RABGEF1: variants seen among roughly 807,000 people sequenced by gnomAD.
The protein encoded by RABGEF1 is RAB guanine nucleotide exchange factor 1, also known as rab5 GDP/GTP exchange factor.
A neutral mutation model predicts 57.3 loss-of-function variants in RABGEF1; 26 were observed. The ratio of observed to expected loss-of-function variants is 0.45; its 90% CI spans 0.33 to 0.63. The LOEUF (loss-of-function observed/expected upper bound fraction) is 0.63, where lower values mean the gene tolerates loss of function less well. RABGEF1 is among the 20% of genes least tolerant of loss of function. The pLI is 0.02. For missense variants in RABGEF1, 464 were observed against 607.6 expected, an observed-to-expected ratio of 0.76 and a Z score of 2.48; for synonymous variants, 185 against 210.7, an observed-to-expected ratio of 0.88 and a Z score of 1.06.
intron 1 of RABGEF1, among the ~76,000 whole-genome samples, chr7:66,752,092 A>G (rs1484045161): frequency 6.6e-6 from 1 of 152,146 alleles, no homozygotes; most frequent in African/African-American, 2.4e-5. Flanking sequence ...TCAGCTACTC[A>G]GGAGGCTGAG....
intron 1 of RABGEF1, among the ~76,000 whole-genome samples, chr7:66,754,371 CTT>C (rs113278671): frequency 2.0e-4 from 29 of 142,746 alleles, no homozygotes; most frequent in Admixed American, 3.5e-4. Context: ...TTTCTTTCAG[CTT>C]TTTTTTTTTT....
intron 1 of RABGEF1, among the ~76,000 whole-genome samples, chr7:66,693,978 T>C (rs566953011): frequency 6.6e-6 from 1 of 152,256 alleles, no homozygotes; most frequent in South Asian, 2.1e-4. Context: ...TGGTTAATTT[T>C]TTGTATTTTT....
rs1267531386 is a variant in RABGEF1 at position 66,811,331 on chromosome 7, A to G, written c.*2047A>G. 1.3e-5 allele frequency: 2 copies of G among 152,196 alleles called. No individual in the cohort carries two copies. The highest frequency in any genetic ancestry group is 2.4e-5 in the African/African-American group (1 of 41,444). The allele number at this position is 152,196 out of a possible 1,614,324, so 9.4% of individuals were successfully genotyped here. ...TTCTATTTCTCTTAAGTCAGCATCA[A>G]TACAACGGCCGGAGTTTCTGTTTTT... On this transcript the variant is annotated 3_prime_UTR_variant, in exon 9 of 9. Coordinates refer to ENST00000284957, the MANE Select transcript of RABGEF1 (RefSeq NM_014504.3).
chr7:66,720,828 T>A (rs941556317), intron 2 of RABGEF1, among the ~76,000 whole-genome samples: 2 of 152,208 alleles, frequency 1.3e-5, no homozygotes, highest in African/African-American at 2.4e-5. Context: ...CTACTAGAAC[T>A]AATAAGTTAG....
upstream of RABGEF1, among the ~76,000 whole-genome samples, chr7:66,678,259 GGAGAA>G (rs1364325169): frequency 1.3e-5 from 2 of 152,004 alleles, no homozygotes; most frequent in East Asian, 1.9e-4. Flanking sequence ...AAATATTTGG[GGAGAA>G]GAGAAAAGGT....
chr7:66,732,524 A>C (rs1419333528), intron 2 of RABGEF1, among the ~76,000 whole-genome samples: 1 of 152,070 alleles, frequency 6.6e-6, no homozygotes, highest in Admixed American at 6.5e-5. Flanking sequence ...GGGTGTCCCC[A>C]GTCACTCACC....
chr7:66,661,709 C>T, the RABGEF1 span, among the ~76,000 whole-genome samples: 256 of 152,304 alleles, frequency 1.7e-3, 1 homozygote, highest in African/African-American at 6.0e-3. Flanking sequence ...AAATTAATGC[C>T]AGTCCTTTGC....
At chr7:66,667,794 ATTTG>A in the RABGEF1 span, among the ~76,000 whole-genome samples, 2 of 151,856 alleles carry the variant, frequency 1.3e-5, no homozygotes, top group African/African-American at 4.8e-5. Flanking sequence ...TTATTTATTT[ATTTG>A]TTTATTTATT....
At chr7:66,763,554 C>G (rs935834495) in intron 1 of RABGEF1, among the ~76,000 whole-genome samples, 1 of 152,212 alleles carries the variant, frequency 6.6e-6, no homozygotes, top group Non-Finnish European at 1.5e-5. Context: ...CCATAGAATT[C>G]TCCCTTTTGA....
rs549961957 is a variant in RABGEF1, at chr7:66,770,025, G to A, written c.-17-1858G>A. ...TCCCCAAGTGGTCTCTCTATACTCC[G>A]TAAGTGAGAATTCCTATGTCTGTTG... On this transcript the variant is annotated intron_variant, in intron 1 of 8. Coordinates refer to ENST00000284957, the MANE Select transcript of RABGEF1 (RefSeq NM_014504.3). 4.6e-5 allele frequency among the ~76,000 whole-genome samples: 7 copies of A among 152,186 alleles called. No individual in the cohort carries two copies. In the South Asian group the frequency reaches 1.2e-3, roughly 27 times the overall value.
rs1175424111 is a variant in RABGEF1 at position 66,746,506 on chromosome 7, A to G, written c.-18+5714A>G. ...GGGTTTCACCATATTGGCCAGGCTG[A>G]TCTCGAACTCCTGACCTCGTGATCC... is the stretch of plus-strand genomic sequence containing the variant. On this transcript the variant is annotated intron_variant, in intron 1 of 8. Coordinates refer to ENST00000284957, the MANE Select transcript of RABGEF1 (RefSeq NM_014504.3). Among the ~76,000 whole-genome samples the G allele has an allele frequency of 2.7e-5, 4 of 149,748 alleles. No homozygotes were observed. The East Asian group carries it at 8.0e-4, about 30-fold the overall frequency.
chr7:66,763,180 A>G (rs1032998546), intron 1 of RABGEF1, among the ~76,000 whole-genome samples: 2 of 152,062 alleles, frequency 1.3e-5, no homozygotes, highest in African/African-American at 4.8e-5. Context: ...CTCATTTATT[A>G]TCTGAAAGTT....
intron 1 of RABGEF1, among the ~76,000 whole-genome samples, chr7:66,746,911 G>C (rs1800388849): frequency 6.6e-6 from 1 of 151,580 alleles, no homozygotes; most frequent in Admixed American, 6.6e-5. Flanking sequence ...TCCTGCCTCA[G>C]CTTCCCAAGT....
chr7:66,747,923 G>T (rs1230059856), intron 1 of RABGEF1, among the ~76,000 whole-genome samples: 1 of 152,170 alleles, frequency 6.6e-6, no homozygotes, highest in East Asian at 1.9e-4. Context: ...ACAGATAAGT[G>T]GGTGAGGAAT....
intron 2 of RABGEF1, among the ~76,000 whole-genome samples, chr7:66,713,623 G>T (rs1795031913): frequency 6.6e-6 from 1 of 152,200 alleles, no homozygotes; most frequent in African/African-American, 2.4e-5. Flanking sequence ...AACACATTCA[G>T]TCTTGAAGTA....
At chr7:66,731,333 A>G (rs961026843) in intron 2 of RABGEF1, among the ~76,000 whole-genome samples, 42 of 152,152 alleles carry the variant, frequency 2.8e-4, no homozygotes, top group Non-Finnish European at 1.2e-4. Context: ...GGGTCACAGG[A>G]GAGGGTATCT....
At chr7:66,684,395 G>C (rs543196545) in intron 1 of RABGEF1, among the ~76,000 whole-genome samples, 1 of 152,116 alleles carries the variant, frequency 6.6e-6, no homozygotes, top group Non-Finnish European at 1.5e-5. Context: ...CTGAACCGAG[G>C]TTGCACCAGT....
upstream of RABGEF1, among the ~76,000 whole-genome samples, chr7:66,679,997 GCAA>G: frequency 6.6e-6 from 1 of 152,130 alleles, no homozygotes; most frequent in Admixed American, 6.5e-5. Flanking sequence ...TGCTGAGATT[GCAA>G]TACTGTGCTC....
At chr7:66,804,449 G>C (rs1173853607) in intron 7 of RABGEF1, among the ~76,000 whole-genome samples, 3 of 151,964 alleles carry the variant, frequency 2.0e-5, no homozygotes, top group African/African-American at 7.2e-5. Flanking sequence ...AGAAGTGTGG[G>C]CTTGGCCAGG....
Sources: allele counts gnomAD v4.1 joint callset (sites outside exome capture counted in the v4.1 genomes callset), GRCh38; gene constraint gnomAD v4.1.1; transcripts MANE v1.5; gene names NCBI Gene and HGNC (gene_info 2026-07-23, HGNC 2026-07-21).